The following TAMM41 variants were observed in gnomAD, a reference collection of about 807,000 sequenced individuals.
TAMM41 encodes the protein phosphatidate cytidylyltransferase, mitochondrial.
TAMM41 carries 36 observed loss-of-function variants against 44.1 expected under a neutral mutation model. The observed-to-expected ratio is 0.82, with a 90% confidence interval of 0.63 to 1.08. The LOEUF (loss-of-function observed/expected upper bound fraction) is 1.08. TAMM41 is among the 50% of genes least tolerant of loss of function. TAMM41 has a pLI of 0.00. For missense variants in TAMM41, 417 were observed against 404.3 expected, an observed-to-expected ratio of 1.03 and a Z score of -0.27; for synonymous variants, 164 against 153.1, an observed-to-expected ratio of 1.07 and a Z score of -0.53.
chr3:11,777,687 G>A, the TAMM41 span, among the ~76,000 whole-genome samples: 5 of 152,066 alleles, frequency 3.3e-5, no homozygotes, highest in African/African-American at 4.8e-5. Context: ...CCAGCTACTC[G>A]GGAGGCTGAG....
intron 7 of TAMM41, among the ~76,000 whole-genome samples, chr3:11,797,419 G>C (rs1205531812): frequency 6.6e-6 from 1 of 152,202 alleles, no homozygotes; most frequent in Non-Finnish European, 1.5e-5. Context: ...TTCAATAAAT[G>C]GTGCTGGGAA....
chr3:11,734,523 T>C, the TAMM41 span, among the ~76,000 whole-genome samples: 3 of 152,166 alleles, frequency 2.0e-5, no homozygotes, highest in African/African-American at 7.2e-5. Context: ...CTGAGTGCAC[T>C]AATTACACTG....
chr3:11,751,046 C>A, the TAMM41 span, among the ~76,000 whole-genome samples: 1 of 151,086 alleles, frequency 6.6e-6, no homozygotes, highest in Non-Finnish European at 1.5e-5. Context: ...CCACAATGCC[C>A]GGAGGAAGAG....
the TAMM41 span, among the ~76,000 whole-genome samples, chr3:11,722,296 G>A: frequency 6.6e-6 from 1 of 152,110 alleles, no homozygotes; most frequent in Non-Finnish European, 1.5e-5. Context: ...CTTAGCTCTG[G>A]CAACATCTAA....
At chr3:11,772,079 C>CTTT in the TAMM41 span, among the ~76,000 whole-genome samples, 6 of 148,948 alleles carry the variant, frequency 4.0e-5, no homozygotes, top group African/African-American at 9.9e-5. Flanking sequence ...TTCTTTTTTT[C>CTTT]TTTTTTTTTG....
In TAMM41 at chr3:11,846,553, G is replaced by T. The variant is rs775128038; in HGVS notation, c.84C>A (p.Phe28Leu). ...GGCGGTACACCCCGGAGCCGTAGAC[G>T]AAAGCCAGACTCAGCTCCTCGGGGA... The part of the protein sequence containing the change: ...SHFPEELSLA[F>L]VYGSGVYRQA... The change falls in exon 1 of 8, where the codon TTC becomes TTA. Residue 28 changes from phenylalanine (F) to leucine (L), a missense_variant. Physicochemically the swap from Phe to Leu is conservative, Grantham distance 22. Transcript: ENST00000455809. 6.2e-7 allele frequency: 1 copy of T among 1,614,232 alleles called. No individual in the cohort carries two copies. Among genetic ancestry groups the T allele is most frequent in the Non-Finnish European group, 8.5e-7 (1 of 1,180,048 alleles).
the TAMM41 span, among the ~76,000 whole-genome samples, chr3:11,782,113 C>T: frequency 1.3e-5 from 2 of 152,220 alleles, no homozygotes; most frequent in Non-Finnish European, 2.9e-5. Flanking sequence ...GAACAACCCA[C>T]ATCCTGCAGG....
intron 5 of TAMM41, among the ~76,000 whole-genome samples, chr3:11,812,230 CT>C (rs1413732687): frequency 6.6e-6 from 1 of 152,142 alleles, no homozygotes; most frequent in Middle Eastern, 3.2e-3. Context: ...TTCTCTCCCC[CT>C]GGCCAAAAGA....
intron 7 of TAMM41, chr3:11,807,253 T>C: frequency 7.0e-7 from 1 of 1,432,344 alleles, no homozygotes; most frequent in Non-Finnish European, 9.1e-7. Flanking sequence ...GAAAACTAAT[T>C]AGCCAAAACC....
At chr3:11,833,154 G>A (rs1385687451) in intron 3 of TAMM41, 1 of 1,283,858 alleles carries the variant, frequency 7.8e-7, no homozygotes, top group Non-Finnish European at 1.0e-6. Context: ...AGAGAGGCCT[G>A]GGAAAAAAAG....
At chr3:11,835,624 T>C (rs1176038188) in intron 3 of TAMM41, among the ~76,000 whole-genome samples, 1 of 152,222 alleles carries the variant, frequency 6.6e-6, no homozygotes, top group Non-Finnish European at 1.5e-5. Context: ...GCATTTCAGC[T>C]TTCTAAAGCC....
chr3:11,742,678 C>A, the TAMM41 span, among the ~76,000 whole-genome samples: 1 of 149,084 alleles, frequency 6.7e-6, no homozygotes, highest in Non-Finnish European at 1.5e-5. Context: ...CCTTTAACTC[C>A]TGGACTGAAG....
the TAMM41 span, among the ~76,000 whole-genome samples, chr3:11,753,715 C>T: frequency 0.25 from 37,950 of 151,084 alleles, 4,803 homozygotes; most frequent in Non-Finnish European, 0.28. Context: ...CCAGCCTGGG[C>T]GACAGAGCAA....
the TAMM41 span, among the ~76,000 whole-genome samples, chr3:11,735,470 C>T: frequency 6.6e-6 from 1 of 150,818 alleles, no homozygotes; most frequent in Non-Finnish European, 1.5e-5. Context: ...CCCATCCCTA[C>T]AAAAAGTACA....
the TAMM41 span, among the ~76,000 whole-genome samples, chr3:11,742,036 T>C: frequency 6.7e-6 from 1 of 150,288 alleles, no homozygotes; most frequent in Non-Finnish European, 1.5e-5. Context: ...CCATTTAATA[T>C]TGACCTTGGC....
At chr3:11,728,970 T>C in the TAMM41 span, among the ~76,000 whole-genome samples, 1 of 147,310 alleles carries the variant, frequency 6.8e-6, no homozygotes, top group East Asian at 2.0e-4. Context: ...ATCGCGCCAT[T>C]GCACTCCAGC....
rs1259272346 is a variant in TAMM41, at chr3:11,846,879, C to A, written c.-243G>T. 7 of 521,050 alleles carry A rather than the reference C, an allele frequency of 1.3e-5. No individual in the cohort carries two copies. The highest frequency in any genetic ancestry group is 6.5e-5 in the Admixed American group (2 of 30,802). 32.3% of individuals were successfully genotyped at this position (521,050 alleles called of 1,614,324 possible). On this transcript the variant is annotated 5_prime_UTR_variant, in exon 1 of 8. Coordinates refer to ENST00000455809, the MANE Select transcript of TAMM41 (RefSeq NM_001284401.2). Reference sequence around the variant, plus strand: ...GTGGGCGGCGGTCGCACAGGCAGAGCTTCCGTCCCTTGCTACGCCCCACGC... The same window carrying A: ...GTGGGCGGCGGTCGCACAGGCAGAGATTCCGTCCCTTGCTACGCCCCACGC...
chr3:11,783,925 G>A, the TAMM41 span, among the ~76,000 whole-genome samples: 1 of 152,214 alleles, frequency 6.6e-6, no homozygotes, highest in African/African-American at 2.4e-5. Flanking sequence ...TTATTGGGTT[G>A]TGTAAGGATG....
At chr3:11,779,398 C>A in the TAMM41 span, among the ~76,000 whole-genome samples, 7 of 152,162 alleles carry the variant, frequency 4.6e-5, no homozygotes, top group Admixed American at 1.3e-4. Context: ...CTCACTCACT[C>A]CAGTGAGAAT....
Sources: gnomAD v4.1 joint callset for allele counts (sites outside exome capture counted in the v4.1 genomes callset) on GRCh38, gnomAD v4.1.1 for gene constraint, MANE v1.5 for transcripts, NCBI Gene and HGNC (gene_info 2026-07-23, HGNC 2026-07-21) for gene names.